The following ZMAT4 variants were observed in gnomAD, a reference collection of about 807,000 sequenced individuals.
ZMAT4 encodes the protein zinc finger matrin-type protein 4.
In ZMAT4, 17 loss-of-function variants were observed where a neutral mutation model predicts 28.7. The ratio of observed to expected loss-of-function variants is 0.59; its 90% CI spans 0.41 to 0.89. The LOEUF (loss-of-function observed/expected upper bound fraction) is 0.89, where lower values mean the gene tolerates loss of function less well. Ranked by LOEUF, ZMAT4 falls within the 40% of genes least tolerant of loss-of-function variation. The pLI is 0.00. For missense variants in ZMAT4, 240 were observed against 283.8 expected, an observed-to-expected ratio of 0.85 and a Z score of 1.11; for synonymous variants, 117 against 109.2, an observed-to-expected ratio of 1.07 and a Z score of -0.44.
At chr8:40,872,468 AG>A (rs1563257947) in intron 1 of ZMAT4, among the ~76,000 whole-genome samples, 1 of 152,154 alleles carries the variant, frequency 6.6e-6, no homozygotes, top group Non-Finnish European at 1.5e-5. Flanking sequence ...AGAGTAAACA[AG>A]CTGGGAAATG....
At chr8:40,795,166 C>A (rs1223578671) in intron 2 of ZMAT4, among the ~76,000 whole-genome samples, 1 of 152,144 alleles carries the variant, frequency 6.6e-6, no homozygotes, top group Non-Finnish European at 1.5e-5. Context: ...TAGCCCTTAC[C>A]TTGAAAGCCC....
chr8:40,703,301 T>C (rs902321026), intron 3 of ZMAT4, among the ~76,000 whole-genome samples: 2 of 152,202 alleles, frequency 1.3e-5, no homozygotes, highest in South Asian at 2.1e-4. Context: ...TCATTCATAA[T>C]AGCCCAAAGT....
intron 5 of ZMAT4, among the ~76,000 whole-genome samples, chr8:40,602,004 T>C (rs1805411993): frequency 6.6e-6 from 1 of 152,184 alleles, no homozygotes; most frequent in Non-Finnish European, 1.5e-5. Flanking sequence ...ATGTGTATTC[T>C]CCTTCTCCCC....
At chr8:40,669,916 T>C (rs1808598120) in intron 5 of ZMAT4, among the ~76,000 whole-genome samples, 1 of 152,086 alleles carries the variant, frequency 6.6e-6, no homozygotes, top group South Asian at 2.1e-4. Flanking sequence ...CATAAATGAA[T>C]AGAGAGATAG....
intron 2 of ZMAT4, among the ~76,000 whole-genome samples, chr8:40,824,228 A>G (rs1815936700): frequency 6.6e-6 from 1 of 152,220 alleles, no homozygotes; most frequent in African/African-American, 2.4e-5. Context: ...AATTACTTAC[A>G]AGTTCTTACA....
intron 3 of ZMAT4, among the ~76,000 whole-genome samples, chr8:40,699,068 G>A (rs902837173): frequency 1.3e-5 from 2 of 152,146 alleles, no homozygotes; most frequent in East Asian, 3.9e-4. Context: ...AAATGAAATG[G>A]ACCTGGAGGT....
At chr8:40,831,715 G>A (rs1816286230) in intron 1 of ZMAT4, among the ~76,000 whole-genome samples, 1 of 152,208 alleles carries the variant, frequency 6.6e-6, no homozygotes. Flanking sequence ...CAACTGAAGA[G>A]CAGCTCTTGC....
At chr8:40,667,971 T>C (rs1245556770) in intron 5 of ZMAT4, among the ~76,000 whole-genome samples, 3 of 152,120 alleles carry the variant, frequency 2.0e-5, no homozygotes, top group Non-Finnish European at 4.4e-5. Context: ...ATGCAGCTTT[T>C]ATGTGAGTGC....
At chr8:40,761,902 A>G (rs1023094021) in intron 3 of ZMAT4, among the ~76,000 whole-genome samples, 1 of 152,218 alleles carries the variant, frequency 6.6e-6, no homozygotes, top group African/African-American at 2.4e-5. Context: ...TTGCTTGATT[A>G]TAACCATGGT....
At chr8:40,584,541 A>C (rs1433041974) in intron 5 of ZMAT4, among the ~76,000 whole-genome samples, 1 of 152,234 alleles carries the variant, frequency 6.6e-6, no homozygotes, top group African/African-American at 2.4e-5. Context: ...ATAAGTGAAA[A>C]TTCGTGAAAC....
At chr8:40,735,226 C>A (rs187389812) in intron 3 of ZMAT4, among the ~76,000 whole-genome samples, 232 of 152,314 alleles carry the variant, frequency 1.5e-3, no homozygotes, top group African/African-American at 5.4e-3. Flanking sequence ...CAAAGTAAGA[C>A]ATGAGATACC....
At chr8:40,801,466 G>A (rs776954667) in intron 2 of ZMAT4, among the ~76,000 whole-genome samples, 2 of 150,666 alleles carry the variant, frequency 1.3e-5, no homozygotes, top group African/African-American at 2.4e-5. Context: ...TCAGGAGTTC[G>A]AGTCAAGCGT....
chr8:40,838,808 G>A (rs1248776871), intron 1 of ZMAT4, among the ~76,000 whole-genome samples: 3 of 152,116 alleles, frequency 2.0e-5, no homozygotes, highest in African/African-American at 7.2e-5. Flanking sequence ...GGAAGGATTT[G>A]GAAGGTGAAG....
At chr8:40,802,001 G>GA (rs1411016692) in intron 2 of ZMAT4, among the ~76,000 whole-genome samples, 2 of 152,114 alleles carry the variant, frequency 1.3e-5, no homozygotes, top group African/African-American at 4.8e-5. Flanking sequence ...AAAAGATGCA[G>GA]AAAAAACATT....
chr8:40,835,956 T>A (rs1240585074), intron 1 of ZMAT4, among the ~76,000 whole-genome samples: 1 of 152,148 alleles, frequency 6.6e-6, no homozygotes, highest in Non-Finnish European at 1.5e-5. Flanking sequence ...TAAAAGTATG[T>A]AGAGTGGCCA....
At chr8:40,880,006 T>G (rs539381260) in intron 1 of ZMAT4, among the ~76,000 whole-genome samples, 33 of 152,214 alleles carry the variant, frequency 2.2e-4, no homozygotes, top group Non-Finnish European at 4.0e-4. Context: ...TGAATGATTT[T>G]GTGCACGCAT....
intron 4 of ZMAT4, among the ~76,000 whole-genome samples, chr8:40,678,565 T>C (rs1456857767): frequency 6.6e-6 from 1 of 152,136 alleles, no homozygotes. Context: ...AAGAAGTAGT[T>C]CTCCCTCCTC....
At chr8:40,855,594 G>A (rs893853606) in intron 1 of ZMAT4, among the ~76,000 whole-genome samples, 13 of 151,986 alleles carry the variant, frequency 8.6e-5, no homozygotes, top group Admixed American at 8.5e-4. Flanking sequence ...CTTGGTGACA[G>A]TAAAATTTGT....
intron 5 of ZMAT4, among the ~76,000 whole-genome samples, chr8:40,614,852 A>T (rs12544072): frequency 0.031 from 4,774 of 152,252 alleles, 101 homozygotes; most frequent in South Asian, 0.055. Context: ...TGAATACAGC[A>T]CACTGATGGG....
Sources: allele counts gnomAD v4.1 joint callset (sites outside exome capture counted in the v4.1 genomes callset), GRCh38; gene constraint gnomAD v4.1.1; transcripts MANE v1.5; gene names NCBI Gene and HGNC (gene_info 2026-07-23, HGNC 2026-07-21).